The following SLC16A10 variants were observed in gnomAD, a reference collection of about 807,000 sequenced individuals.
SLC16A10 encodes solute carrier family 16 member 10.
A neutral mutation model predicts 40.0 loss-of-function variants in SLC16A10; 27 were observed. The ratio of observed to expected loss-of-function variants is 0.67; its 90% CI spans 0.50 to 0.93. The LOEUF (loss-of-function observed/expected upper bound fraction) is 0.93. SLC16A10 is among the 40% of genes least tolerant of loss of function. SLC16A10 has a pLI of 0.00. For synonymous variants in SLC16A10, 213 were observed against 249.8 expected, an observed-to-expected ratio of 0.85 and a Z score of 1.39; for missense variants, 529 against 658.2, an observed-to-expected ratio of 0.80 and a Z score of 2.15.
At chr6:111,125,991 G>A (rs60835820) in intron 1 of SLC16A10, among the ~76,000 whole-genome samples, 2,127 of 152,262 alleles carry the variant, frequency 0.014, 13 homozygotes, top group African/African-American at 0.033. Context: ...GACAGACATA[G>A]AAATTAGTAA....
At chr6:111,215,909 C>A (rs1248739730) in intron 4 of SLC16A10, among the ~76,000 whole-genome samples, 1 of 152,134 alleles carries the variant, frequency 6.6e-6, no homozygotes, top group African/African-American at 2.4e-5. Flanking sequence ...GTGGGAGGAT[C>A]ACTTTGAGCC....
chr6:111,131,252 C>T (rs571763716), intron 1 of SLC16A10, among the ~76,000 whole-genome samples: 8 of 152,362 alleles, frequency 5.3e-5, no homozygotes, highest in African/African-American at 1.9e-4. Context: ...CATTGCCGCT[C>T]CCAATCGGGC....
At chr6:111,119,480 T>C (rs1157071077) in intron 1 of SLC16A10, among the ~76,000 whole-genome samples, 1 of 152,232 alleles carries the variant, frequency 6.6e-6, no homozygotes, top group African/African-American at 2.4e-5. Flanking sequence ...TTCCAACCAT[T>C]TAAAAATGTA....
chr6:111,152,001 T>C (rs554055261), intron 1 of SLC16A10, among the ~76,000 whole-genome samples: 1 of 152,152 alleles, frequency 6.6e-6, no homozygotes, highest in East Asian at 1.9e-4. Context: ...TGAATATGAG[T>C]TTCTTGAGAT....
At position 111,211,415 on chromosome 6, in the gene SLC16A10, G is replaced by A. The variant is rs1773344401; in HGVS notation, c.1086+4680G>A. ...CATGTTGGTCTGCAGTTACACAGCA[G>A]TAAGTTAAAAGTTAGTATTGGGGGT... On this transcript the variant is annotated intron_variant, in intron 4 of 5. Transcript: ENST00000368851. 2.0e-5 allele frequency among the ~76,000 whole-genome samples: 3 copies of A among 152,318 alleles called. No homozygotes were observed. The South Asian group carries it at 6.2e-4, about 32-fold the overall frequency.
At chr6:111,201,019 T>C (rs927700594) in intron 3 of SLC16A10, among the ~76,000 whole-genome samples, 1 of 152,198 alleles carries the variant, frequency 6.6e-6, no homozygotes, top group Non-Finnish European at 1.5e-5. Flanking sequence ...CTGTAAATAT[T>C]ATGTAGCATT....
intron 1 of SLC16A10, among the ~76,000 whole-genome samples, chr6:111,146,463 G>A (rs1339948883): frequency 2.0e-5 from 3 of 152,080 alleles, no homozygotes; most frequent in Non-Finnish European, 2.9e-5. Context: ...TATACAGGCC[G>A]GGCGCGGTGG....
intron 1 of SLC16A10, among the ~76,000 whole-genome samples, chr6:111,107,710 G>T (rs1771308760): frequency 6.6e-6 from 1 of 152,188 alleles, no homozygotes; most frequent in South Asian, 2.1e-4. Flanking sequence ...CAAAGCAATG[G>T]CTACCAAGAG....
intron 4 of SLC16A10, among the ~76,000 whole-genome samples, chr6:111,208,155 T>A (rs1773285595): frequency 6.6e-6 from 1 of 152,074 alleles, no homozygotes; most frequent in Admixed American, 6.5e-5. Flanking sequence ...TTTTGTTTTT[T>A]TTCTGTAGTA....
chr6:111,136,504 CTGTT>C (rs2114496339), intron 1 of SLC16A10, among the ~76,000 whole-genome samples: 1 of 152,328 alleles, frequency 6.6e-6, no homozygotes, highest in South Asian at 2.1e-4. Flanking sequence ...TGTCAGACAA[CTGTT>C]TGCTTAAATA....
intron 1 of SLC16A10, 96 bp downstream of exon 1, chr6:111,088,191 T>C (rs1041974474): frequency 1.6e-6 from 2 of 1,266,116 alleles, no homozygotes; most frequent in Admixed American, 2.4e-5. Context: ...CGAGTGTGCA[T>C]GTCGGTGGGT....
chr6:111,093,588 C>T (rs904518234), intron 1 of SLC16A10, among the ~76,000 whole-genome samples: 3 of 152,214 alleles, frequency 2.0e-5, no homozygotes, highest in African/African-American at 7.2e-5. Context: ...CAGAAATTAA[C>T]TGCTATGTTT....
chr6:111,092,304 C>CT (rs1233290470), intron 1 of SLC16A10, among the ~76,000 whole-genome samples: 5 of 132,340 alleles, frequency 3.8e-5, no homozygotes, highest in Admixed American at 7.7e-5. Flanking sequence ...TGAGTTGTCT[C>CT]TTTTTTTGTT....
chr6:111,161,222 C>CA (rs57463212), intron 1 of SLC16A10, among the ~76,000 whole-genome samples: 6,717 of 42,390 alleles, frequency 0.16, 1,287 homozygotes, highest in African/African-American at 0.27. Context: ...GACAGTGTCT[C>CA]AAAAAAAAAA....
intron 1 of SLC16A10, among the ~76,000 whole-genome samples, chr6:111,117,749 GA>G (rs1298976020): frequency 6.6e-5 from 10 of 152,156 alleles, no homozygotes; most frequent in Non-Finnish European, 1.0e-4. Flanking sequence ...GATGAATGGG[GA>G]GAGAATAGAA....
At chr6:111,097,158 G>C (rs75132610) in intron 1 of SLC16A10, among the ~76,000 whole-genome samples, 3,308 of 152,032 alleles carry the variant, frequency 0.022, 62 homozygotes, top group African/African-American at 0.06. Flanking sequence ...GTCCCCTCTT[G>C]ATAAACATAA....
At chr6:111,196,257 G>A (rs1490517417) in intron 3 of SLC16A10, among the ~76,000 whole-genome samples, 1 of 152,092 alleles carries the variant, frequency 6.6e-6, no homozygotes, top group Non-Finnish European at 1.5e-5. Flanking sequence ...AAAATTTCTT[G>A]AACCCGTGAA....
rs181663713 is a variant in SLC16A10 at position 111,113,832 on chromosome 6, C to A, written c.343+25737C>A. Among the ~76,000 whole-genome samples the A allele has an allele frequency of 1.4e-3, 216 of 152,264 alleles. 1 individual carries two copies. Among genetic ancestry groups the A allele is most frequent in the Middle Eastern group, 3.4e-3 (1 of 294 alleles). ...TTCTTTGTCCCTCCAGTGTTGTTGC[C>A]TGTCTTATGATGATGCTGGTTTTCA... On this transcript the variant is annotated intron_variant, in intron 1 of 5. Coordinates refer to ENST00000368851, the MANE Select transcript of SLC16A10 (RefSeq NM_018593.5).
At chr6:111,136,688 C>T (rs1056588618) in intron 1 of SLC16A10, among the ~76,000 whole-genome samples, 3 of 152,182 alleles carry the variant, frequency 2.0e-5, no homozygotes, top group Non-Finnish European at 4.4e-5. Flanking sequence ...CTTGACTGAT[C>T]CCAACCTCAA....
Sources: allele counts gnomAD v4.1 joint callset (sites outside exome capture counted in the v4.1 genomes callset), GRCh38; gene constraint gnomAD v4.1.1; transcripts MANE v1.5; gene names NCBI Gene and HGNC (gene_info 2026-07-23, HGNC 2026-07-21).